ZNF362: variants seen among roughly 807,000 people sequenced by gnomAD.
The protein encoded by ZNF362 is zinc finger protein 362.
ZNF362 carries 11 observed loss-of-function variants against 42.9 expected under a neutral mutation model. The observed-to-expected ratio is 0.26, with a 90% confidence interval of 0.16 to 0.42. The LOEUF is 0.42. Ranked by LOEUF, ZNF362 falls within the 20% of genes least tolerant of loss-of-function variation. The pLI, the probability that ZNF362 is intolerant of heterozygous loss-of-function variation, is 1.00. For synonymous variants in ZNF362, 255 were observed against 257.3 expected, an observed-to-expected ratio of 0.99 and a Z score of 0.09; for missense variants, 362 against 576.2, an observed-to-expected ratio of 0.63 and a Z score of 3.81.
chr1:33,267,167 TCTTG>T (rs1296356965), intron 1 of ZNF362, among the ~76,000 whole-genome samples: 2 of 152,186 alleles, frequency 1.3e-5, no homozygotes, highest in African/African-American at 4.8e-5. Context: ...GTTTGGGGTG[TCTTG>T]CTTTGTCAAA....
At chr1:33,278,217 G>A (rs1645965875) in intron 4 of ZNF362, among the ~76,000 whole-genome samples, 1 of 152,152 alleles carries the variant, frequency 6.6e-6, no homozygotes, top group African/African-American at 2.4e-5. Flanking sequence ...AGAGGCTGTT[G>A]GTCCATTTCC....
chr1:33,295,124 G>A lies in ZNF362; in HGVS notation c.988-23G>A, dbSNP rs565630763. The A allele has an allele frequency of 1.9e-6, 3 of 1,613,364 alleles. No individual in the cohort carries two copies. The East Asian group carries it at 6.7e-5, about 36-fold the overall frequency. ...GGTGAGGGAGCCCTGTTCCTCTCCT[G>A]ACCCCCTGCTGTGCCCCTACAGTCT... On this transcript the variant is annotated intron_variant, in intron 7 of 8. Transcript: ENST00000539719.
At chr1:33,180,915 A>G in the ZNF362 span, 1 of 480,844 alleles carries the variant, frequency 2.1e-6, no homozygotes, top group Non-Finnish European at 2.8e-6. Context: ...GCCCCGCCCC[A>G]GGACCATTCT....
the ZNF362 span, among the ~76,000 whole-genome samples, chr1:33,134,122 C>A: frequency 3.3e-5 from 5 of 152,258 alleles, no homozygotes; most frequent in Admixed American, 1.3e-4. Context: ...CACAAGCATG[C>A]TCTGAACACT....
Position 33,260,985 on chromosome 1 carries a change from T to C in ZNF362, c.-89+4331T>C, listed in dbSNP as rs149497154. ...TACAAAGTGGACTCTCACTGCCTTATTTAGCATCACAGAGGGCTCGCTTTG... is the reference window on the plus strand; with the variant it reads ...TACAAAGTGGACTCTCACTGCCTTACTTAGCATCACAGAGGGCTCGCTTTG... On this transcript the variant is annotated intron_variant, in intron 1 of 8. Transcript: ENST00000539719. Among the ~76,000 whole-genome samples, 112 of 152,298 alleles carry C rather than the reference T, an allele frequency of 7.4e-4. 1 individual carries two copies. In the East Asian group the frequency reaches 0.018, roughly 24 times the overall value.
chr1:33,186,468 C>A, the ZNF362 span, among the ~76,000 whole-genome samples: 1 of 151,648 alleles, frequency 6.6e-6, no homozygotes, highest in Non-Finnish European at 1.5e-5. Context: ...AGTGAATCAA[C>A]AATTTATATA....
At chr1:33,239,579 G>C in the ZNF362 span, among the ~76,000 whole-genome samples, 25 of 152,128 alleles carry the variant, frequency 1.6e-4, no homozygotes, top group Non-Finnish European at 3.2e-4. Context: ...GGAAGGCAAA[G>C]GAGAAGCAGG....
chr1:33,189,854 A>C, the ZNF362 span, among the ~76,000 whole-genome samples: 1 of 151,494 alleles, frequency 6.6e-6, no homozygotes, highest in Admixed American at 6.6e-5. Flanking sequence ...AATCCCAATT[A>C]AGTATTCAGG....
intron 8 of ZNF362, 113 bp downstream of exon 8, chr1:33,295,418 T>A (rs373589331): frequency 2.5e-6 from 2 of 790,594 alleles, no homozygotes; most frequent in Non-Finnish European, 3.9e-6. Context: ...CCAGACAAAT[T>A]GAGGCCTAGA....
At chr1:33,259,800 C>T (rs537167255) in intron 1 of ZNF362, among the ~76,000 whole-genome samples, 2 of 152,354 alleles carry the variant, frequency 1.3e-5, no homozygotes, top group South Asian at 4.1e-4. Context: ...GGGGAGGTCT[C>T]TCAGAGAATG....
At chr1:33,206,372 G>A in the ZNF362 span, among the ~76,000 whole-genome samples, 2 of 151,614 alleles carry the variant, frequency 1.3e-5, no homozygotes, top group Non-Finnish European at 2.9e-5. Context: ...AAAAAAAAAT[G>A]ACTACAACAA....
At chr1:33,170,196 G>T in the ZNF362 span, among the ~76,000 whole-genome samples, 2 of 152,094 alleles carry the variant, frequency 1.3e-5, no homozygotes, top group Non-Finnish European at 2.9e-5. Flanking sequence ...CAGGCATGGT[G>T]GTGGATGCCT....
the ZNF362 span, chr1:33,176,677 C>T: frequency 2.4e-6 from 1 of 410,972 alleles, no homozygotes; most frequent in East Asian, 3.5e-5. Flanking sequence ...GGCTGGGAGA[C>T]AATTACCCAG....
chr1:33,182,600 TTGTGTGTGTGTG>T, the ZNF362 span, among the ~76,000 whole-genome samples: 1 of 146,974 alleles, frequency 6.8e-6, no homozygotes, highest in Non-Finnish European at 1.5e-5. Context: ...AGTGCTGTAT[TTGTGTGTGTGTG>T]TGTGTGTGTG....
chr1:33,278,855 C>G (rs1241903796), intron 4 of ZNF362, among the ~76,000 whole-genome samples: 5 of 152,118 alleles, frequency 3.3e-5, no homozygotes, highest in African/African-American at 1.2e-4. Context: ...GACCACAGCT[C>G]TTTACAAAGC....
At chr1:33,165,539 G>C in the ZNF362 span, 5 of 1,610,710 alleles carry the variant, frequency 3.1e-6, no homozygotes, top group Non-Finnish European at 3.4e-6. The surrounding 1 kb of genome is among the most constrained non-coding windows in gnomAD (Gnocchi z 4.0). Flanking sequence ...CTGTCTTGAA[G>C]GGCCTGAAGT....
At chr1:33,258,236 G>A (rs1645807159) in intron 1 of ZNF362, among the ~76,000 whole-genome samples, 1 of 152,076 alleles carries the variant, frequency 6.6e-6, no homozygotes, top group East Asian at 1.9e-4. Context: ...TGCTGGCTCC[G>A]CAGGCTGCCG....
At chr1:33,144,135 CTTTTTTTTTT>C in the ZNF362 span, among the ~76,000 whole-genome samples, 109,796 of 146,738 alleles carry the variant, frequency 0.75, 40,466 homozygotes, top group Admixed American at 0.78. Flanking sequence ...AATGTTACTT[CTTTTTTTTTT>C]TTTTTTTTTT....
At chr1:33,239,977 A>G in the ZNF362 span, among the ~76,000 whole-genome samples, 6 of 152,186 alleles carry the variant, frequency 3.9e-5, no homozygotes. Context: ...ATAAGGAAAT[A>G]AAGTAGGGAG....
Sources: allele counts gnomAD v4.1 joint callset (sites outside exome capture counted in the v4.1 genomes callset), GRCh38; gene constraint gnomAD v4.1.1; non-coding constraint Gnocchi (gnomAD v3.1); transcripts MANE v1.5; gene names NCBI Gene and HGNC (gene_info 2026-07-23, HGNC 2026-07-21).